Variants in CLSTN2 observed in about 807,000 individuals in gnomAD.
CLSTN2 encodes the protein calsyntenin 2.
In CLSTN2, 48 loss-of-function variants were observed where a neutral mutation model predicts 101.2. The ratio of observed to expected loss-of-function variants is 0.47; its 90% CI spans 0.38 to 0.60. The LOEUF is 0.60. Among genes scored for constraint, CLSTN2 ranks in the 20% least tolerant of loss-of-function variants. CLSTN2 has a pLI of 0.00. For missense variants in CLSTN2, 1,160 were observed against 1,238.2 expected (o/e 0.94, Z 0.95); for synonymous variants, 481 against 463.6 (o/e 1.04, Z -0.48).
chr3:139,962,642 T>C lies in CLSTN2; in HGVS notation c.109+27159T>C, dbSNP rs1935531653. Among the ~76,000 whole-genome samples the C allele has an allele frequency of 2.0e-5, 3 of 152,326 alleles. No homozygotes were observed. In the South Asian group the frequency reaches 6.2e-4, roughly 32 times the overall value. On this transcript the variant is annotated intron_variant, in intron 1 of 16. Transcript: ENST00000458420. Reference sequence around the variant, plus strand: ...AAAAAATAATGACAACATTTAAAAATTTGGATTAAGAATTTTCTTCTTTTC... The same window carrying C: ...AAAAAATAATGACAACATTTAAAAACTTGGATTAAGAATTTTCTTCTTTTC...
intron 1 of CLSTN2, among the ~76,000 whole-genome samples, chr3:139,961,267 T>C (rs1237078942): frequency 6.6e-6 from 1 of 152,180 alleles, no homozygotes; most frequent in Admixed American, 6.5e-5. Flanking sequence ...TGTTGGAGTT[T>C]TGATTCAAAA....
At chr3:140,280,461 C>A (rs1441288926) in intron 2 of CLSTN2, among the ~76,000 whole-genome samples, 2 of 152,076 alleles carry the variant, frequency 1.3e-5, no homozygotes, top group Non-Finnish European at 2.9e-5. Flanking sequence ...GAAAGGGCAG[C>A]AAGAGGCAGC....
chr3:140,488,715 CTGGCAAACAGAAGTA>C (rs1934285319), intron 8 of CLSTN2, among the ~76,000 whole-genome samples: 1 of 130,302 alleles, frequency 7.7e-6, no homozygotes, highest in South Asian at 2.5e-4. Context: ...TACTGGCGAA[CTGGCAAACAGAAGTA>C]TGGCAAACAG....
chr3:140,451,507 C>T (rs1279484231), intron 6 of CLSTN2, among the ~76,000 whole-genome samples: 1 of 152,114 alleles, frequency 6.6e-6, no homozygotes, highest in East Asian at 1.9e-4. Context: ...AATCCTGTCC[C>T]AATAACCCTG....
intron 2 of CLSTN2, among the ~76,000 whole-genome samples, chr3:140,319,706 G>T (rs1454532410): frequency 6.6e-6 from 1 of 152,224 alleles, no homozygotes; most frequent in Non-Finnish European, 1.5e-5. Flanking sequence ...CACATGGAAG[G>T]TTCTGAGCAT....
At chr3:140,371,251 A>G (rs1455115633) in intron 2 of CLSTN2, among the ~76,000 whole-genome samples, 5 of 152,120 alleles carry the variant, frequency 3.3e-5, no homozygotes, top group Non-Finnish European at 7.4e-5. Context: ...TCAGGGCTGC[A>G]TTTAGGCTGG....
At chr3:140,189,007 T>A (rs78926704) in intron 2 of CLSTN2, among the ~76,000 whole-genome samples, 37 of 152,348 alleles carry the variant, frequency 2.4e-4, no homozygotes, top group South Asian at 1.2e-3. Flanking sequence ...ATATATGATA[T>A]GAATGGAATC....
intron 2 of CLSTN2, among the ~76,000 whole-genome samples, chr3:140,303,033 C>T (rs1461493696): frequency 6.6e-6 from 1 of 152,124 alleles, no homozygotes; most frequent in East Asian, 1.9e-4. Context: ...GGTCCCTGCC[C>T]TTGAAGAGAA....
chr3:140,102,632 C>G (rs1479136490), intron 1 of CLSTN2, among the ~76,000 whole-genome samples: 2 of 152,188 alleles, frequency 1.3e-5, no homozygotes, highest in African/African-American at 2.4e-5. Flanking sequence ...CTTCTATGAC[C>G]TACATGACTC....
chr3:140,473,095 C>G lies in CLSTN2; in HGVS notation c.1344+6364C>G, dbSNP rs150909751. ...GATTGTCCACTCTCTGGAAAGGTAGCTGCTGGCATGCATATCCCATTTGTT... is the reference window on the plus strand; with the variant it reads ...GATTGTCCACTCTCTGGAAAGGTAGGTGCTGGCATGCATATCCCATTTGTT... On this transcript the variant is annotated intron_variant, in intron 8 of 16. Transcript: ENST00000458420. Among the ~76,000 whole-genome samples the G allele has an allele frequency of 3.3e-4, 50 of 152,324 alleles. No individual in the cohort carries two copies. The East Asian group carries it at 7.0e-3, about 21-fold the overall frequency.
At chr3:140,535,629 C>T (rs548935404) in intron 9 of CLSTN2, among the ~76,000 whole-genome samples, 1 of 152,156 alleles carries the variant, frequency 6.6e-6, no homozygotes, top group East Asian at 1.9e-4. Flanking sequence ...AGCAGAAGTG[C>T]CTTATGTTGT....
chr3:140,321,982 C>G (rs1420350611), intron 2 of CLSTN2, among the ~76,000 whole-genome samples: 1 of 152,164 alleles, frequency 6.6e-6, no homozygotes, highest in Non-Finnish European at 1.5e-5. Flanking sequence ...AGGGCAGATG[C>G]CAAGGCCCTC....
chr3:139,937,595 T>A (rs370623238), intron 1 of CLSTN2, among the ~76,000 whole-genome samples: 17 of 133,676 alleles, frequency 1.3e-4, no homozygotes, highest in African/African-American at 4.8e-4. Context: ...AAAAAAAAAA[T>A]TAGATGGGTG....
rs556651224 is a variant in CLSTN2, at chr3:140,475,619, A to G, written c.1344+8888A>G. ...GCTTTCTCATCCTGACTTGGAGTCT[A>G]AGGTTATATCACTGTTAAATCTCAA... is the stretch of plus-strand genomic sequence containing the variant. On this transcript the variant is annotated intron_variant, in intron 8 of 16. Coordinates refer to ENST00000458420, the MANE Select transcript of CLSTN2 (RefSeq NM_022131.3). Among the ~76,000 whole-genome samples, 72 of 152,314 alleles carry G rather than the reference A, an allele frequency of 4.7e-4. 1 individual carries two copies. The South Asian group carries it at 0.015, about 31-fold the overall frequency.
intron 8 of CLSTN2, among the ~76,000 whole-genome samples, chr3:140,516,934 T>C (rs1477303881): frequency 6.6e-6 from 1 of 152,240 alleles, no homozygotes; most frequent in East Asian, 1.9e-4. Flanking sequence ...TTTTCCAAAC[T>C]TTTAGATTTC....
chr3:140,313,440 A>G (rs2087194186), intron 2 of CLSTN2, among the ~76,000 whole-genome samples: 1 of 152,178 alleles, frequency 6.6e-6, no homozygotes, highest in Non-Finnish European at 1.5e-5. Flanking sequence ...GAAAGACTCC[A>G]TAGAATAGAT....
intron 1 of CLSTN2, among the ~76,000 whole-genome samples, chr3:140,069,010 G>A (rs2008348293): frequency 6.6e-6 from 1 of 152,140 alleles, no homozygotes; most frequent in Admixed American, 6.5e-5. Context: ...CCACATAGTA[G>A]GTATTCAATA....
intron 1 of CLSTN2, among the ~76,000 whole-genome samples, chr3:140,160,819 C>T (rs1288011397): frequency 1.3e-5 from 2 of 152,098 alleles, no homozygotes; most frequent in Non-Finnish European, 2.9e-5. Context: ...TTTCAAAATA[C>T]ACCCAGGAAC....
intron 8 of CLSTN2, among the ~76,000 whole-genome samples, chr3:140,532,095 A>C (rs1466544662): frequency 1.3e-5 from 2 of 152,086 alleles, no homozygotes; most frequent in African/African-American, 4.8e-5. Flanking sequence ...ATCATCCACT[A>C]TCTGCCTGAT....
Sources: allele counts gnomAD v4.1 joint callset (sites outside exome capture counted in the v4.1 genomes callset), GRCh38; gene constraint gnomAD v4.1.1; transcripts MANE v1.5; gene names NCBI Gene and HGNC (gene_info 2026-07-23, HGNC 2026-07-21).